CADPS2: variants seen among roughly 807,000 people sequenced by gnomAD.
CADPS2 encodes calcium dependent secretion activator 2, also known as calcium-dependent secretion activator 2.
CADPS2 carries 93 observed loss-of-function variants against 172.5 expected under a neutral mutation model. That is an observed-to-expected ratio of 0.54 (90% confidence interval 0.46 to 0.64). CADPS2 has a LOEUF of 0.64. Ranked by LOEUF, CADPS2 falls within the 30% of genes least tolerant of loss-of-function variation. CADPS2 has a pLI of 0.00. For missense variants in CADPS2, 1,420 were observed against 1,565.9 expected (o/e 0.91, Z 1.57); for synonymous variants, 546 against 555.2 (o/e 0.98, Z 0.23).
chr7:122,763,965 T>C (rs1317817558), intron 1 of CADPS2, among the ~76,000 whole-genome samples: 2 of 152,132 alleles, frequency 1.3e-5, no homozygotes, highest in East Asian at 3.8e-4. Flanking sequence ...TCCAAAAGTG[T>C]ATAAATTCAA....
intron 2 of CADPS2, among the ~76,000 whole-genome samples, chr7:122,666,975 G>A (rs547199200): frequency 1.3e-5 from 2 of 152,270 alleles, no homozygotes; most frequent in South Asian, 4.1e-4. Flanking sequence ...TCCCAGCCCT[G>A]GGGGAGGGGG....
At chr7:122,621,231 G>A (rs780778150) in intron 5 of CADPS2, among the ~76,000 whole-genome samples, 20 of 152,094 alleles carry the variant, frequency 1.3e-4, no homozygotes, top group African/African-American at 4.3e-4. Flanking sequence ...CAATAGCCTC[G>A]CTGGCATAAA....
intron 2 of CADPS2, chr7:122,702,871 C>A (rs181995389): frequency 1.4e-6 from 1 of 694,178 alleles, no homozygotes; most frequent in African/African-American, 1.8e-5. Flanking sequence ...GAAAAGGTCT[C>A]CCTGGATCAA....
intron 29 of CADPS2, among the ~76,000 whole-genome samples, chr7:122,325,004 A>G (rs11773731): frequency 0.36 from 54,894 of 151,892 alleles, 10,129 homozygotes; most frequent in East Asian, 0.47. Flanking sequence ...TACATATAAG[A>G]GGCATGCTTC....
intron 2 of CADPS2, chr7:122,676,742 T>G: frequency 7.1e-7 from 1 of 1,417,966 alleles, no homozygotes; most frequent in South Asian, 1.3e-5. Flanking sequence ...CAGAGGCAGA[T>G]CCAGATTATC....
chr7:122,847,669 T>TA (rs892856351), intron 1 of CADPS2, among the ~76,000 whole-genome samples: 1 of 152,154 alleles, frequency 6.6e-6, no homozygotes, highest in African/African-American at 2.4e-5. Flanking sequence ...TGGGAAAACT[T>TA]AGATTTTCCA....
At chr7:122,504,847 C>A (rs1353793265) in intron 9 of CADPS2, among the ~76,000 whole-genome samples, 1 of 152,140 alleles carries the variant, frequency 6.6e-6, no homozygotes, top group Non-Finnish European at 1.5e-5. Flanking sequence ...TTATAGGTAT[C>A]ATCACCATGC....
At chr7:122,359,722 G>C (rs915554625) in intron 27 of CADPS2, among the ~76,000 whole-genome samples, 1 of 152,070 alleles carries the variant, frequency 6.6e-6, no homozygotes, top group Non-Finnish European at 1.5e-5. Context: ...GTCCAGCACT[G>C]ATTCCTTGAT....
chr7:122,724,912 C>G (rs2090921569), intron 2 of CADPS2, among the ~76,000 whole-genome samples: 1 of 151,856 alleles, frequency 6.6e-6, no homozygotes, highest in Non-Finnish European at 1.5e-5. Context: ...AAAATAAGTC[C>G]ATACGATTAC....
chr7:122,366,610 T>TACACACACACACAC (rs200926726), intron 25 of CADPS2, among the ~76,000 whole-genome samples: 40 of 126,222 alleles, frequency 3.2e-4, no homozygotes, highest in African/African-American at 1.1e-3. Context: ...ATCTCAAAAA[T>TACACACACACACAC]ACACACACAC....
Position 122,490,285 on chromosome 7 carries a change from T to C in CADPS2, c.1652-4A>G. ...AACATACAACCACCCTGAAGGCCTG[T>C]GGAGGAAACAAAAAGACATCATTAA... On this transcript the variant is annotated splice_region_variant and splice_polypyrimidine_tract_variant and intron_variant, in intron 10 of 29. Transcript: ENST00000449022. 6.2e-7 allele frequency: 1 copy of C among 1,611,796 alleles called. No homozygotes were observed. Among genetic ancestry groups the C allele is most frequent in the Non-Finnish European group, 8.5e-7 (1 of 1,178,836 alleles).
intron 11 of CADPS2, among the ~76,000 whole-genome samples, chr7:122,482,284 C>T (rs1005868203): frequency 6.6e-6 from 1 of 152,110 alleles, no homozygotes; most frequent in African/African-American, 2.4e-5. Flanking sequence ...CGCAACCCTA[C>T]CCTCTGGGAC....
chr7:122,320,279 A>G lies in CADPS2; in HGVS notation c.3777T>C (p.Thr1259=), dbSNP rs2150656407. 1 of 1,612,898 alleles carries G rather than the reference A, an allele frequency of 6.2e-7. No individual in the cohort carries two copies. The highest frequency in any genetic ancestry group is 8.5e-7 in the Non-Finnish European group (1 of 1,179,352). The change falls in exon 30 of 30, where the codon ACT becomes ACC. Residue 1259 remains threonine, a synonymous_variant. Coordinates refer to ENST00000449022, the MANE Select transcript of CADPS2 (RefSeq NM_017954.11). ...TTAAACGTCTGTGCACAGTATCATAAGTCTTACTGTTCAGTGTTCCTTCCA... is the reference window on the plus strand; with the variant it reads ...TTAAACGTCTGTGCACAGTATCATAGGTCTTACTGTTCAGTGTTCCTTCCA... ...GVLEGTLNSK[T]YDTVHRRLTV... is the part of the protein sequence containing the mutation.
At chr7:122,861,074 T>C (rs1816835510) in intron 1 of CADPS2, among the ~76,000 whole-genome samples, 1 of 152,242 alleles carries the variant, frequency 6.6e-6, no homozygotes, top group Non-Finnish European at 1.5e-5. Flanking sequence ...TGGGAATACA[T>C]ATATGTCTTG....
At chr7:122,645,448 C>T (rs1563949491) in intron 3 of CADPS2, among the ~76,000 whole-genome samples, 4 of 86,810 alleles carry the variant, frequency 4.6e-5, no homozygotes, top group Non-Finnish European at 2.5e-5. Flanking sequence ...TATATACACA[C>T]ACATATGTAT....
At chr7:122,420,551 T>C (rs1387987176) in intron 17 of CADPS2, among the ~76,000 whole-genome samples, 2 of 152,232 alleles carry the variant, frequency 1.3e-5, no homozygotes, top group African/African-American at 4.8e-5. Flanking sequence ...CATAATTCTA[T>C]TAGATAACAA....
intron 17 of CADPS2, among the ~76,000 whole-genome samples, chr7:122,434,564 G>A (rs773917139): frequency 3.3e-5 from 5 of 152,142 alleles, no homozygotes; most frequent in Admixed American, 6.5e-5. Flanking sequence ...CAGACACAGT[G>A]GTGGGTGCTG....
intron 1 of CADPS2, among the ~76,000 whole-genome samples, chr7:122,822,272 A>AT (rs1803535572): frequency 6.6e-6 from 1 of 151,728 alleles, no homozygotes; most frequent in African/African-American, 2.4e-5. Flanking sequence ...ATTCCATTTA[A>AT]TTTCTCAATT....
At chr7:122,567,482 C>T (rs964676287) in intron 7 of CADPS2, among the ~76,000 whole-genome samples, 3 of 152,072 alleles carry the variant, frequency 2.0e-5, no homozygotes, top group Non-Finnish European at 4.4e-5. Context: ...CCCTTTTTTT[C>T]TTCCTGAAAC....
Sources: allele counts gnomAD v4.1 joint callset (sites outside exome capture counted in the v4.1 genomes callset), GRCh38; gene constraint gnomAD v4.1.1; transcripts MANE v1.5; gene names NCBI Gene and HGNC (gene_info 2026-07-23, HGNC 2026-07-21).